TENM3: variants seen among roughly 807,000 people sequenced by gnomAD.
TENM3 encodes teneurin transmembrane protein 3, also known as teneurin-3.
A neutral mutation model predicts 255.1 loss-of-function variants in TENM3; 63 were observed. That is an observed-to-expected ratio of 0.25 (90% CI 0.20 to 0.30). The LOEUF is 0.30. Ranked by LOEUF, TENM3 falls within the 10% of genes least tolerant of loss-of-function variation. TENM3 has a pLI of 1.00. For synonymous variants in TENM3, 1,306 were observed against 1,322.3 expected, an observed-to-expected ratio of 0.99 and a Z score of 0.27; for missense variants, 2,929 against 3,461.1, an observed-to-expected ratio of 0.85 and a Z score of 3.86.
the TENM3 span, among the ~76,000 whole-genome samples, chr4:181,846,812 A>G: frequency 1.3e-5 from 2 of 152,188 alleles, no homozygotes; most frequent in African/African-American, 4.8e-5. Flanking sequence ...GGAGCCCAGG[A>G]ATCTGTATTA....
the TENM3 span, among the ~76,000 whole-genome samples, chr4:181,736,648 C>A: frequency 6.6e-6 from 1 of 151,734 alleles, no homozygotes; most frequent in South Asian, 2.1e-4. Flanking sequence ...GCGTATACAC[C>A]CAAATACCAT....
At chr4:182,189,638 A>G (rs1015947031) in intron 1 of TENM3, among the ~76,000 whole-genome samples, 5 of 152,154 alleles carry the variant, frequency 3.3e-5, no homozygotes, top group African/African-American at 7.2e-5. Flanking sequence ...GCCCCCACAC[A>G]TCTCAGAAGT....
the TENM3 span, among the ~76,000 whole-genome samples, chr4:181,470,579 A>G: frequency 3.9e-5 from 6 of 152,182 alleles, no homozygotes; most frequent in Non-Finnish European, 8.8e-5. Context: ...ATTGGAACCT[A>G]CTGAAGCATT....
the TENM3 span, among the ~76,000 whole-genome samples, chr4:182,042,655 G>A: frequency 6.6e-6 from 1 of 152,094 alleles, no homozygotes; most frequent in East Asian, 1.9e-4. Flanking sequence ...TAGGAATGTC[G>A]ACATTTTTAC....
the TENM3 span, among the ~76,000 whole-genome samples, chr4:181,740,484 A>G: frequency 6.6e-6 from 1 of 152,182 alleles, no homozygotes; most frequent in Non-Finnish European, 1.5e-5. Context: ...AATGGAGACC[A>G]CAAAGAGCTG....
At chr4:181,965,521 C>T in the TENM3 span, among the ~76,000 whole-genome samples, 1 of 152,138 alleles carries the variant, frequency 6.6e-6, no homozygotes, top group Admixed American at 6.5e-5. Context: ...GATGAGGATG[C>T]TTATTTATGA....
At chr4:182,574,889 G>T (rs1379306702) in intron 3 of TENM3, among the ~76,000 whole-genome samples, 2 of 152,060 alleles carry the variant, frequency 1.3e-5, no homozygotes, top group African/African-American at 4.8e-5. Flanking sequence ...TGTCACCTCG[G>T]TGACACAGAT....
intron 3 of TENM3, among the ~76,000 whole-genome samples, chr4:182,489,216 A>T (rs533804069): frequency 8.2e-4 from 125 of 152,202 alleles, no homozygotes; most frequent in African/African-American, 2.8e-3. Context: ...ATGAAGCCTT[A>T]TGAGAAATAG....
chr4:181,455,701 G>T, the TENM3 span, among the ~76,000 whole-genome samples: 1 of 151,844 alleles, frequency 6.6e-6, no homozygotes, highest in Non-Finnish European at 1.5e-5. Context: ...AGGGTTTAGT[G>T]GAGTGTCGAG....
At chr4:182,772,558 T>C (rs1465854244) in intron 22 of TENM3, 1 of 152,180 alleles carries the variant, frequency 6.6e-6, no homozygotes, top group East Asian at 1.9e-4. Flanking sequence ...TTGCTTTTTT[T>C]TTTTTCTTTC....
chr4:182,354,324 TTTTGAA>T (rs1376400700), intron 3 of TENM3, among the ~76,000 whole-genome samples: 1 of 152,214 alleles, frequency 6.6e-6, no homozygotes, highest in Non-Finnish European at 1.5e-5. Context: ...CTATTTTGAT[TTTTGAA>T]TGTGTTTTTG....
the TENM3 span, among the ~76,000 whole-genome samples, chr4:181,461,537 C>T: frequency 6.6e-6 from 1 of 152,100 alleles, no homozygotes; most frequent in Non-Finnish European, 1.5e-5. Context: ...GTCATTGATG[C>T]TCTGCTGATT....
the TENM3 span, among the ~76,000 whole-genome samples, chr4:182,125,409 G>A: frequency 6.6e-6 from 1 of 152,224 alleles, no homozygotes; most frequent in African/African-American, 2.4e-5. Flanking sequence ...TTTAACACCG[G>A]ATCCATAGGA....
At chr4:181,953,522 C>T in the TENM3 span, among the ~76,000 whole-genome samples, 2 of 151,954 alleles carry the variant, frequency 1.3e-5, no homozygotes, top group African/African-American at 4.8e-5. Flanking sequence ...CCAGCTCATA[C>T]TTACCTCCAC....
chr4:182,064,671 T>G, the TENM3 span, among the ~76,000 whole-genome samples: 1 of 152,134 alleles, frequency 6.6e-6, no homozygotes, highest in African/African-American at 2.4e-5. Flanking sequence ...AAAGCAGGGC[T>G]TAGAAAACCT....
the TENM3 span, among the ~76,000 whole-genome samples, chr4:181,678,998 CCCAGGGACT>C: frequency 6.6e-6 from 1 of 152,030 alleles, no homozygotes; most frequent in Non-Finnish European, 1.5e-5. Flanking sequence ...CTAAATATGG[CCCAGGGACT>C]CCATATTTCT....
At chr4:181,760,850 A>G in the TENM3 span, among the ~76,000 whole-genome samples, 1 of 151,772 alleles carries the variant, frequency 6.6e-6, no homozygotes, top group Admixed American at 6.6e-5. Context: ...TGAGAATCAT[A>G]TGGTTGATGA....
At position 182,775,102 on chromosome 4, in the gene TENM3, C is replaced by G. The variant is rs1245914733; in HGVS notation, c.5253C>G (p.Phe1751Leu). 6.2e-7 allele frequency: 1 copy of G among 1,613,856 alleles called. No individual in the cohort carries two copies. Among genetic ancestry groups the G allele is most frequent in the Non-Finnish European group, 8.5e-7 (1 of 1,179,908 alleles). ...GTCAAAACTTGGTGGAATGGAGATT[C>G]CGAAAAGAGCAAGCCCAAGGGAAAG... ...ENGQNLVEWRFRKEQAQGKVN... is the reference protein window; with the variant it reads ...ENGQNLVEWRLRKEQAQGKVN... The change falls in exon 24 of 28, where the codon TTC becomes TTG. Residue 1751 changes from phenylalanine to leucine, a missense_variant. By Grantham distance (22) the Phe-to-Leu change is conservative. Coordinates refer to ENST00000511685, the MANE Select transcript of TENM3 (RefSeq NM_001080477.4).
At chr4:182,484,252 A>G (rs560557109) in intron 3 of TENM3, among the ~76,000 whole-genome samples, 2 of 152,300 alleles carry the variant, frequency 1.3e-5, no homozygotes, top group South Asian at 4.1e-4. Flanking sequence ...ACAAGAAATG[A>G]GGTGAAAAAG....
Sources: gnomAD v4.1 joint callset for allele counts (sites outside exome capture counted in the v4.1 genomes callset) on GRCh38, gnomAD v4.1.1 for gene constraint, MANE v1.5 for transcripts, NCBI Gene and HGNC (gene_info 2026-07-23, HGNC 2026-07-21) for gene names.